Variants in ANAPC10 observed in about 807,000 individuals in gnomAD.
ANAPC10 encodes the protein anaphase promoting complex subunit 10.
A neutral mutation model predicts 22.0 loss-of-function variants in ANAPC10; 12 were observed. That is an observed-to-expected ratio of 0.55 (90% CI 0.35 to 0.88). ANAPC10 has a LOEUF of 0.88. Ranked by LOEUF, ANAPC10 falls within the 40% of genes least tolerant of loss-of-function variation. The pLI, the probability that ANAPC10 is intolerant of heterozygous loss-of-function variation, is 0.01. For synonymous variants in ANAPC10, 65 were observed against 69.5 expected, an observed-to-expected ratio of 0.94 and a Z score of 0.32; for missense variants, 188 against 220.9, an observed-to-expected ratio of 0.85 and a Z score of 0.94.
At chr4:145,070,758 G>A (rs985842729) in intron 3 of ANAPC10, among the ~76,000 whole-genome samples, 14 of 152,270 alleles carry the variant, frequency 9.2e-5, no homozygotes, top group Middle Eastern at 3.4e-3. Context: ...GTCCTCTGAC[G>A]AATGGATAAA....
intron 4 of ANAPC10, among the ~76,000 whole-genome samples, chr4:145,058,733 CAGATGTT>C (rs1742441332): frequency 6.6e-6 from 1 of 152,114 alleles, no homozygotes; most frequent in Admixed American, 6.6e-5. Flanking sequence ...CTTAAAAATA[CAGATGTT>C]ACTTTTCTGT....
At chr4:145,066,254 A>G (rs1743665578) in intron 3 of ANAPC10, among the ~76,000 whole-genome samples, 2 of 152,138 alleles carry the variant, frequency 1.3e-5, no homozygotes, top group South Asian at 4.1e-4. Flanking sequence ...AAAACACTAA[A>G]TACCCAGGAA....
intron 4 of ANAPC10, among the ~76,000 whole-genome samples, chr4:145,049,867 T>C (rs1740849494): frequency 6.6e-6 from 1 of 152,174 alleles, no homozygotes. Flanking sequence ...ACCTTCAGGC[T>C]CCATTTCTAA....
chr4:144,996,275 G>C (rs142015752), intron 4 of ANAPC10, among the ~76,000 whole-genome samples: 1 of 152,294 alleles, frequency 6.6e-6, no homozygotes, highest in Non-Finnish European at 1.5e-5. Flanking sequence ...GACATAATAA[G>C]CTGTCTACAG....
At chr4:145,032,320 CG>C (rs1242656122) in intron 4 of ANAPC10, among the ~76,000 whole-genome samples, 3 of 152,154 alleles carry the variant, frequency 2.0e-5, no homozygotes, top group Admixed American at 2.0e-4. Flanking sequence ...GAGAAATGGC[CG>C]GATGTACAAT....
intron 4 of ANAPC10, among the ~76,000 whole-genome samples, chr4:145,023,335 C>T (rs1736228202): frequency 6.6e-6 from 1 of 152,160 alleles, no homozygotes; most frequent in African/African-American, 2.4e-5. Flanking sequence ...TAAAATAACA[C>T]ATCCTTAAAA....
intron 4 of ANAPC10, among the ~76,000 whole-genome samples, chr4:145,031,562 G>A (rs759547046): frequency 4.6e-5 from 7 of 152,212 alleles, no homozygotes; most frequent in Non-Finnish European, 8.8e-5. Context: ...CGAGTGACCT[G>A]AAAGGCTGAC....
chr4:145,005,044 A>G (rs181502066), intron 4 of ANAPC10, among the ~76,000 whole-genome samples: 15 of 152,250 alleles, frequency 9.9e-5, no homozygotes, highest in African/African-American at 3.4e-4. Flanking sequence ...TAGGGATTCA[A>G]TATCTTCCTT....
At chr4:145,027,322 T>G (rs558727411) in intron 4 of ANAPC10, among the ~76,000 whole-genome samples, 2 of 151,674 alleles carry the variant, frequency 1.3e-5, no homozygotes, top group African/African-American at 2.4e-5. Context: ...CTTAATTTAA[T>G]AGAAGTTAAA....
intron 4 of ANAPC10, among the ~76,000 whole-genome samples, chr4:145,006,228 C>T (rs1733326960): frequency 6.6e-6 from 1 of 151,970 alleles, no homozygotes; most frequent in Non-Finnish European, 1.5e-5. Flanking sequence ...CTTTTGTGAT[C>T]TTTGTTGTTT....
At chr4:145,077,073 C>T (rs1346146369) in intron 3 of ANAPC10, among the ~76,000 whole-genome samples, 4 of 152,134 alleles carry the variant, frequency 2.6e-5, no homozygotes, top group African/African-American at 7.2e-5. Flanking sequence ...GTGGCAGGCA[C>T]CTGTAGTCCC....
chr4:145,028,279 AT>A (rs1354189347), intron 4 of ANAPC10, among the ~76,000 whole-genome samples: 2 of 152,148 alleles, frequency 1.3e-5, no homozygotes, highest in African/African-American at 4.8e-5. Flanking sequence ...AGGCAGAAAA[AT>A]GTGAAAAGGA....
At chr4:145,003,315 C>G (rs956776394) in intron 4 of ANAPC10, among the ~76,000 whole-genome samples, 1 of 152,068 alleles carries the variant, frequency 6.6e-6, no homozygotes, top group Non-Finnish European at 1.5e-5. Flanking sequence ...GATTCCATGT[C>G]TTTACTATTA....
intron 2 of ANAPC10, among the ~76,000 whole-genome samples, chr4:145,093,284 G>A (rs1470112778): frequency 6.6e-5 from 10 of 152,140 alleles, no homozygotes; most frequent in Non-Finnish European, 1.5e-5. Context: ...GTGAGACACT[G>A]AAGGTAACCA....
intron 4 of ANAPC10, among the ~76,000 whole-genome samples, chr4:145,050,523 C>A (rs1423924998): frequency 6.6e-6 from 1 of 152,234 alleles, no homozygotes; most frequent in Non-Finnish European, 1.5e-5. Context: ...TCAAGCCAGG[C>A]ATTGACTTCT....
At position 145,002,659 on chromosome 4, in the gene ANAPC10, C is replaced by T. The variant is rs183733360; in HGVS notation, c.328-7056G>A. Among the ~76,000 whole-genome samples, 669 of 152,078 alleles carry T rather than the reference C, an allele frequency of 4.4e-3. 3 individuals are homozygous for T. The highest frequency in any genetic ancestry group is 0.015 in the African/African-American group (615 of 41,514). On this transcript the variant is annotated intron_variant, in intron 4 of 4. Coordinates refer to ENST00000507656, the MANE Select transcript of ANAPC10 (RefSeq NM_001256706.2). ...TGAAGCCAATGTCAATTAAAAAGAA[C>T]AATTTTATCAAAAGCCCAAGATAGT...
intron 4 of ANAPC10, among the ~76,000 whole-genome samples, chr4:145,054,197 G>A (rs546400353): frequency 1.1e-4 from 17 of 150,284 alleles, no homozygotes; most frequent in African/African-American, 2.9e-4. Flanking sequence ...CTGAGCCACC[G>A]TGCCCAGCCT....
rs1037032425 is a variant in ANAPC10, at chr4:144,994,638, T to C, written c.*735A>G. 3 of 152,250 alleles carry C rather than the reference T, an allele frequency of 2.0e-5. No individual in the cohort carries two copies. The highest frequency in any genetic ancestry group is 4.8e-5 in the African/African-American group (2 of 41,584). 9.4% of individuals were successfully genotyped at this position (152,250 alleles called of 1,614,324 possible). A position where few individuals can be genotyped will look rare whatever the true frequency, so the allele number is the denominator to read the frequency against. ...CATACTTTTACGATTTTATGGGATA[T>C]ATGACTGCCCAGGGAATGCTACAAT... On this transcript the variant is annotated 3_prime_UTR_variant, in exon 5 of 5. Coordinates refer to ENST00000507656, the MANE Select transcript of ANAPC10 (RefSeq NM_001256706.2).
chr4:144,996,452 C>T (rs34919532), intron 4 of ANAPC10, among the ~76,000 whole-genome samples: 2,755 of 152,176 alleles, frequency 0.018, 92 homozygotes, highest in African/African-American at 0.062. Context: ...GGAGACTTGG[C>T]GCTCCCATGC....
Sources: gnomAD v4.1 joint callset for allele counts (sites outside exome capture counted in the v4.1 genomes callset) on GRCh38, gnomAD v4.1.1 for gene constraint, MANE v1.5 for transcripts, NCBI Gene and HGNC (gene_info 2026-07-23, HGNC 2026-07-21) for gene names.